The following UMAD1 variants were observed in gnomAD, a reference collection of about 807,000 sequenced individuals.
UMAD1 encodes the protein UBAP1-MVB12-associated (UMA) domain containing 1, also known as UBAP1-MVB12-associated (UMA)-domain containing protein 1.
Under a neutral mutation model 6.1 loss-of-function variants are expected in UMAD1, and 8 were observed. The ratio of observed to expected loss-of-function variants is 1.30; its 90% CI spans 0.76 to 2.35. UMAD1 has a LOEUF of 2.35. Ranked by LOEUF, UMAD1 falls within the 30% of genes most tolerant of loss-of-function variation. The pLI, the probability that UMAD1 is intolerant of heterozygous loss-of-function variation, is 0.00. For missense variants in UMAD1, 130 were observed against 78.4 expected (o/e 1.66, Z -2.49); for synonymous variants, 56 against 31.4 (o/e 1.78, Z -2.61).
intron 2 of UMAD1, chr7:7,738,768 C>A (rs778035128): frequency 6.6e-6 from 1 of 152,242 alleles, no homozygotes; most frequent in Non-Finnish European, 1.5e-5. Context: ...AAAAATGGCA[C>A]TACCTTTCCT....
intron 2 of UMAD1, among the ~76,000 whole-genome samples, chr7:7,769,008 A>G (rs55781110): frequency 0.044 from 6,720 of 152,282 alleles, 511 homozygotes; most frequent in African/African-American, 0.15. Context: ...AGTGGTGACT[A>G]AAAGGACCAG....
intron 2 of UMAD1, among the ~76,000 whole-genome samples, chr7:7,705,459 G>T (rs1194360654): frequency 2.6e-5 from 4 of 152,182 alleles, no homozygotes; most frequent in African/African-American, 7.2e-5. Context: ...TTGGGTCACT[G>T]CTCTGTACAG....
chr7:7,708,762 C>G (rs562955484), intron 2 of UMAD1, among the ~76,000 whole-genome samples: 1 of 152,124 alleles, frequency 6.6e-6, no homozygotes, highest in Admixed American at 6.6e-5. Flanking sequence ...ACAGACCCAG[C>G]TTTTCAACAG....
At chr7:7,672,730 A>T (rs1414189410) in intron 1 of UMAD1, among the ~76,000 whole-genome samples, 2 of 152,238 alleles carry the variant, frequency 1.3e-5, no homozygotes, top group African/African-American at 4.8e-5. Flanking sequence ...GCCATGTGAA[A>T]CTGTGAGTCA....
chr7:7,681,299 G>C (rs866115294), intron 2 of UMAD1, among the ~76,000 whole-genome samples: 1 of 152,010 alleles, frequency 6.6e-6, no homozygotes, highest in African/African-American at 2.4e-5. Flanking sequence ...TAGGTTTTAG[G>C]TCACAATTAT....
intron 2 of UMAD1, among the ~76,000 whole-genome samples, chr7:7,776,545 G>T (rs139565946): frequency 1.8e-3 from 276 of 152,258 alleles, no homozygotes; most frequent in African/African-American, 5.7e-3. Context: ...TATGACTAAA[G>T]AATCTGTATC....
chr7:7,778,253 TGTGTGTGTGTGTGTGTGTGTGTGA>T (rs1484018749), intron 2 of UMAD1, among the ~76,000 whole-genome samples: 2 of 137,284 alleles, frequency 1.5e-5, no homozygotes, highest in African/African-American at 5.5e-5. Context: ...TGTGTGTGTG[TGTGTGTGTGTGTGTGTGTGTGTGA>T]GAGAGAGAGA....
At position 7,836,988 on chromosome 7, in the gene UMAD1, G is replaced by A. The variant is rs369583089; in HGVS notation, c.156+35245G>A. 2.3e-4 allele frequency among the ~76,000 whole-genome samples: 35 copies of A among 150,706 alleles called. No individual in the cohort carries two copies. The East Asian group carries it at 6.8e-3, about 29-fold the overall frequency. On this transcript the variant is annotated intron_variant, in intron 3 of 3. Coordinates refer to ENST00000682710, the MANE Select transcript of UMAD1 (RefSeq NM_001302348.2). Reference sequence around the variant, plus strand: ...AAAAATCTGTCTTCAGATTTAGAAAGCCCCCCAAACACAAAGAAGAATAAA... The same window carrying A: ...AAAAATCTGTCTTCAGATTTAGAAAACCCCCCAAACACAAAGAAGAATAAA...
chr7:7,838,354 T>G (rs1174352703), intron 3 of UMAD1, among the ~76,000 whole-genome samples: 2 of 152,058 alleles, frequency 1.3e-5, no homozygotes, highest in Non-Finnish European at 2.9e-5. Context: ...AGCAACAGAG[T>G]TAATAAGGTT....
chr7:7,675,006 T>C (rs1348679395), intron 2 of UMAD1, among the ~76,000 whole-genome samples: 1 of 151,978 alleles, frequency 6.6e-6, no homozygotes, highest in African/African-American at 2.4e-5. Flanking sequence ...TTTTATTATA[T>C]ATGTATTTAA....
At position 7,780,108 on chromosome 7, in the gene UMAD1, A is replaced by G. The variant is rs554766590; in HGVS notation, c.83-21562A>G. On this transcript the variant is annotated intron_variant, in intron 2 of 3. Transcript: ENST00000682710. ...TGTTCTTTTTCTGTATATTTCCTGT[A>G]CATTTCCCTCTCTGTTGACTCTTTG... 7.9e-5 allele frequency among the ~76,000 whole-genome samples: 12 copies of G among 152,334 alleles called. No individual in the cohort carries two copies. In the South Asian group the frequency reaches 2.3e-3, roughly 29 times the overall value.
chr7:7,643,711 C>G (rs1389957586), intron 1 of UMAD1, among the ~76,000 whole-genome samples: 2 of 66,964 alleles, frequency 3.0e-5, no homozygotes, highest in Non-Finnish European at 5.5e-5. Flanking sequence ...GACTCCCTCT[C>G]AAAAAAAAAA....
Position 7,779,913 on chromosome 7 carries a change from G to C in UMAD1, c.83-21757G>C, listed in dbSNP as rs538643978. On this transcript the variant is annotated intron_variant, in intron 2 of 3. Transcript: ENST00000682710. ...CCAGCCTCTGCCTCCCAGAGTGTCAGGATAACAGACATAAGCCACTGTGCC... is the reference window on the plus strand; with the variant it reads ...CCAGCCTCTGCCTCCCAGAGTGTCACGATAACAGACATAAGCCACTGTGCC... 3.3e-5 allele frequency among the ~76,000 whole-genome samples: 5 copies of C among 152,294 alleles called. No individual in the cohort carries two copies. In the South Asian group the frequency reaches 1.0e-3, roughly 32 times the overall value.
intron 3 of UMAD1, 130 bp downstream of exon 3, chr7:7,801,873 G>A (rs1312158246): frequency 3.2e-6 from 2 of 625,030 alleles, no homozygotes; most frequent in African/African-American, 1.8e-5. Context: ...GAAACAAGTG[G>A]TCTGCTGAAA....
intron 2 of UMAD1, among the ~76,000 whole-genome samples, chr7:7,711,456 C>T (rs1465561150): frequency 6.6e-6 from 1 of 152,090 alleles, no homozygotes; most frequent in Non-Finnish European, 1.5e-5. Flanking sequence ...TCATATTATA[C>T]TCTATCCTTT....
At chr7:7,676,556 A>C (rs1381231038) in intron 2 of UMAD1, among the ~76,000 whole-genome samples, 2 of 152,192 alleles carry the variant, frequency 1.3e-5, no homozygotes, top group African/African-American at 4.8e-5. Flanking sequence ...TTTTAAAAAA[A>C]GTTGTATTCT....
chr7:7,874,898 T>A (rs1784388645), intron 3 of UMAD1, among the ~76,000 whole-genome samples: 2 of 152,138 alleles, frequency 1.3e-5, no homozygotes, highest in African/African-American at 4.8e-5. Flanking sequence ...TGCTCATGTG[T>A]ATTCAGTTTG....
At chr7:7,744,186 A>G (rs922734856) in intron 2 of UMAD1, among the ~76,000 whole-genome samples, 2 of 152,146 alleles carry the variant, frequency 1.3e-5, no homozygotes, top group Non-Finnish European at 2.9e-5. Context: ...TAAAATAGGT[A>G]GGTTTTTGTG....
chr7:7,847,330 G>GTATA (rs140752440), intron 3 of UMAD1, among the ~76,000 whole-genome samples: 1 of 147,378 alleles, frequency 6.8e-6, no homozygotes, highest in African/African-American at 2.5e-5. Context: ...ATAGCTTTGT[G>GTATA]TATATATATA....
Sources: gnomAD v4.1 joint callset for allele counts (sites outside exome capture counted in the v4.1 genomes callset) on GRCh38, gnomAD v4.1.1 for gene constraint, MANE v1.5 for transcripts, NCBI Gene and HGNC (gene_info 2026-07-23, HGNC 2026-07-21) for gene names.